The following FBXL17 variants were observed in gnomAD, a reference collection of about 807,000 sequenced individuals.
FBXL17 encodes the protein F-box and leucine rich repeat protein 17, also known as F-box/LRR-repeat protein 17.
In FBXL17, 22 loss-of-function variants were observed where a neutral mutation model predicts 66.2. That is an observed-to-expected ratio of 0.33 (90% CI 0.24 to 0.47). The LOEUF (loss-of-function observed/expected upper bound fraction) is 0.47. Ranked by LOEUF, FBXL17 falls within the 20% of genes least tolerant of loss-of-function variation. The pLI is 1.00. For synonymous variants in FBXL17, 474 were observed against 400.5 expected (o/e 1.18, Z -2.19); for missense variants, 878 against 948.2 (o/e 0.93, Z 0.97).
At chr5:108,261,396 T>C (rs1756814586) in intron 4 of FBXL17, among the ~76,000 whole-genome samples, 2 of 152,110 alleles carry the variant, frequency 1.3e-5, no homozygotes, top group South Asian at 4.1e-4. Flanking sequence ...TGGCATATTA[T>C]GGGTATGGTT....
At chr5:108,026,260 T>C (rs984152378) in intron 6 of FBXL17, among the ~76,000 whole-genome samples, 1 of 152,200 alleles carries the variant, frequency 6.6e-6, no homozygotes, top group Non-Finnish European at 1.5e-5. Context: ...ATAGGACATC[T>C]TAACCTTGCA....
chr5:108,211,118 G>C (rs923774105), intron 5 of FBXL17, among the ~76,000 whole-genome samples: 1 of 152,100 alleles, frequency 6.6e-6, no homozygotes, highest in Non-Finnish European at 1.5e-5. Flanking sequence ...TTTTATCAGA[G>C]ATTACTATTG....
chr5:108,163,750 C>G (rs1325415326), intron 6 of FBXL17, among the ~76,000 whole-genome samples: 1 of 152,056 alleles, frequency 6.6e-6, no homozygotes, highest in East Asian at 1.9e-4. Flanking sequence ...ACTACATATT[C>G]GTCAAAATAT....
chr5:108,227,021 T>C (rs1417752392), intron 4 of FBXL17, among the ~76,000 whole-genome samples: 2 of 152,190 alleles, frequency 1.3e-5, no homozygotes, highest in Non-Finnish European at 2.9e-5. Context: ...TCCATAATCA[T>C]GTAAGCCAAT....
intron 7 of FBXL17, among the ~76,000 whole-genome samples, chr5:107,976,032 A>G (rs1425564782): frequency 6.6e-6 from 1 of 151,684 alleles, no homozygotes; most frequent in African/African-American, 2.4e-5. Flanking sequence ...CTAATTTTTT[A>G]TATTTTAGTA....
chr5:108,295,843 A>AT lies in FBXL17; in HGVS notation c.1506+52555_1506+52556insA. On this transcript the variant is annotated intron_variant, in intron 4 of 8. Coordinates refer to ENST00000542267, the MANE Select transcript of FBXL17 (RefSeq NM_001163315.3). Reference sequence around the variant, plus strand: ...TTAAGGTCAACTGGAACAAGACTATAAAGTTCTAGCGAGTGACATTCTAAG... The same window carrying AT: ...TTAAGGTCAACTGGAACAAGACTATATAAGTTCTAGCGAGTGACATTCTAAG... Among the ~76,000 whole-genome samples, 5 of 152,012 alleles carry AT rather than the reference A, an allele frequency of 3.3e-5. 2 individuals carry two copies. The highest frequency in any genetic ancestry group is 1.2e-4 in the African/African-American group (5 of 41,528).
At chr5:108,240,046 T>C (rs941321808) in intron 4 of FBXL17, among the ~76,000 whole-genome samples, 3 of 152,026 alleles carry the variant, frequency 2.0e-5, no homozygotes, top group African/African-American at 7.2e-5. Flanking sequence ...GGGGCCTGAA[T>C]AATCAGAAGC....
chr5:108,317,239 T>A (rs1386015324), intron 4 of FBXL17, among the ~76,000 whole-genome samples: 1 of 151,382 alleles, frequency 6.6e-6, no homozygotes, highest in Admixed American at 6.6e-5. Context: ...TAATGTCATA[T>A]ACATAAAATC....
chr5:107,983,534 A>T, intron 7 of FBXL17, among the ~76,000 whole-genome samples: 1 of 106,804 alleles, frequency 9.4e-6, no homozygotes, highest in Non-Finnish European at 2.0e-5. Context: ...TGAACTTCAT[A>T]AAAAAAAAAA....
At chr5:108,277,603 G>T (rs1275130259) in intron 4 of FBXL17, among the ~76,000 whole-genome samples, 2 of 152,140 alleles carry the variant, frequency 1.3e-5, no homozygotes, top group Non-Finnish European at 2.9e-5. Context: ...TAATTTATTT[G>T]GTCATTCTGA....
intron 7 of FBXL17, among the ~76,000 whole-genome samples, chr5:107,977,997 A>C (rs774477330): frequency 3.3e-5 from 5 of 152,166 alleles, no homozygotes; most frequent in Admixed American, 1.3e-4. Context: ...AACTTTATGA[A>C]GCATGATCAG....
At chr5:107,931,013 T>C (rs1561326146) in intron 7 of FBXL17, among the ~76,000 whole-genome samples, 1 of 152,102 alleles carries the variant, frequency 6.6e-6, no homozygotes, top group African/African-American at 2.4e-5. Flanking sequence ...TGGGGCTATG[T>C]ATACAGCCTT....
chr5:108,241,500 G>C (rs1755853159), intron 4 of FBXL17, among the ~76,000 whole-genome samples: 1 of 151,950 alleles, frequency 6.6e-6, no homozygotes, highest in Admixed American at 6.6e-5. Context: ...ACAAGATCTA[G>C]AAAATAGCCT....
chr5:107,992,746 AT>A (rs1580298340), intron 7 of FBXL17, among the ~76,000 whole-genome samples: 2 of 152,158 alleles, frequency 1.3e-5, no homozygotes, highest in East Asian at 3.9e-4. Flanking sequence ...AAACAAAAGC[AT>A]TTTTTATATA....
chr5:108,320,437 G>GCAA (rs1304673801), intron 4 of FBXL17, among the ~76,000 whole-genome samples: 2 of 151,336 alleles, frequency 1.3e-5, no homozygotes, highest in Non-Finnish European at 3.0e-5. Flanking sequence ...TACAGCTCTT[G>GCAA]GAAAGCATCC....
At chr5:108,079,900 T>C (rs1748699157) in intron 6 of FBXL17, among the ~76,000 whole-genome samples, 2 of 152,238 alleles carry the variant, frequency 1.3e-5, no homozygotes, top group South Asian at 4.1e-4. Flanking sequence ...CTGACTTGGC[T>C]TCAAAAATGG....
At chr5:108,139,393 T>C (rs10065182) in intron 6 of FBXL17, among the ~76,000 whole-genome samples, 48,395 of 152,146 alleles carry the variant, frequency 0.32, 8,573 homozygotes, top group Admixed American at 0.41. Context: ...CCATCTTGGA[T>C]TCACAGCACC....
intron 7 of FBXL17, among the ~76,000 whole-genome samples, chr5:107,904,183 A>T (rs776095928): frequency 6.6e-6 from 1 of 151,628 alleles, no homozygotes; most frequent in Non-Finnish European, 1.5e-5. Context: ...TTATAAACTC[A>T]CTCTTTTGTC....
At chr5:108,266,503 T>C (rs1042753819) in intron 4 of FBXL17, among the ~76,000 whole-genome samples, 6 of 152,256 alleles carry the variant, frequency 3.9e-5, no homozygotes, top group East Asian at 3.9e-4. Flanking sequence ...TGTCAGGGTA[T>C]TGCAGTGCTT....
Sources: gnomAD v4.1 joint callset for allele counts (sites outside exome capture counted in the v4.1 genomes callset) on GRCh38, gnomAD v4.1.1 for gene constraint, MANE v1.5 for transcripts, NCBI Gene and HGNC (gene_info 2026-07-23, HGNC 2026-07-21) for gene names.